The following CD8B variants were observed in gnomAD, a reference collection of about 807,000 sequenced individuals.
The protein encoded by CD8B is CD8 subunit beta.
In CD8B, 6 loss-of-function variants were observed where a neutral mutation model predicts 24.2. The ratio of observed to expected loss-of-function variants is 0.25; its 90% CI spans 0.14 to 0.49. The LOEUF is 0.49. CD8B is among the 20% of genes least tolerant of loss of function. The pLI is 0.98. For synonymous variants in CD8B, 84 were observed against 108.3 expected, an observed-to-expected ratio of 0.78 and a Z score of 1.39; for missense variants, 196 against 271.3, an observed-to-expected ratio of 0.72 and a Z score of 1.95.
chr2:86,844,980 G>A (rs780567389), intron 4 of CD8B, 22 bp from the exon 5 acceptor site: 26 of 1,556,504 alleles, frequency 1.7e-5, no homozygotes, highest in South Asian at 8.3e-5. Context: ...AAGCAAGGGC[G>A]CCAGTCAGTG....
downstream of CD8B, among the ~76,000 whole-genome samples, chr2:86,834,875 G>T (rs1675109841): frequency 6.7e-6 from 1 of 149,580 alleles, no homozygotes; most frequent in Admixed American, 6.7e-5. Flanking sequence ...GGCGGAGGTT[G>T]CAGTGAGCCA....
At chr2:86,861,124 T>G (rs1676563129) in intron 1 of CD8B, among the ~76,000 whole-genome samples, 1 of 152,164 alleles carries the variant, frequency 6.6e-6, no homozygotes, top group African/African-American at 2.4e-5. Context: ...AGCTTTGGGC[T>G]TTTTGGGCAC....
At chr2:86,833,806 A>G (rs574958451), downstream of CD8B, among the ~76,000 whole-genome samples, 68 of 151,478 alleles carry the variant, frequency 4.5e-4, no homozygotes, top group African/African-American at 1.2e-3. Flanking sequence ...ATCCACCACC[A>G]TGCCTGGCTA....
At chr2:86,829,095 C>CTATTTTT (rs1674804563) in intron 5 of CD8B, among the ~76,000 whole-genome samples, 4 of 82,992 alleles carry the variant, frequency 4.8e-5, no homozygotes, top group Non-Finnish European at 9.0e-5. Flanking sequence ...ATGCTCTTTA[C>CTATTTTT]TTTTTTTTTT....
chr2:86,823,286 A>T (rs1674549018), intron 5 of CD8B, among the ~76,000 whole-genome samples: 1 of 151,962 alleles, frequency 6.6e-6, no homozygotes, highest in Non-Finnish European at 1.5e-5. Context: ...TTTTTAATTA[A>T]TTTTTTTGAG....
chr2:86,850,098 G>A (rs1232412882), intron 3 of CD8B, among the ~76,000 whole-genome samples: 1 of 152,134 alleles, frequency 6.6e-6, no homozygotes, highest in Non-Finnish European at 1.5e-5. Flanking sequence ...TCATGGTTAA[G>A]ACCACTGTGG....
intron 5 of CD8B, among the ~76,000 whole-genome samples, chr2:86,826,892 G>A (rs1477460597): frequency 6.6e-6 from 1 of 151,592 alleles, no homozygotes; most frequent in Non-Finnish European, 1.5e-5. Flanking sequence ...CATGATCTCG[G>A]CTCACTGCAA....
At chr2:86,815,622 C>G in exon 6 of CD8B, 2 of 1,606,282 alleles carry the variant, frequency 1.2e-6, no homozygotes, top group Non-Finnish European at 1.7e-6. Context: ...TTTTCAGGAT[C>G]CATGGGTTAA....
At position 86,840,027 on chromosome 2, in the gene CD8B, C is replaced by T. The variant is rs1277008330; in HGVS notation, c.*2280G>A. 2.6e-5 allele frequency among the ~76,000 whole-genome samples: 4 copies of T among 152,222 alleles called. No individual in the cohort carries two copies. The highest frequency in any genetic ancestry group is 9.6e-5 in the African/African-American group (4 of 41,456). On this transcript the variant is annotated 3_prime_UTR_variant, in exon 6 of 6. Coordinates refer to ENST00000390655, the MANE Select transcript of CD8B (RefSeq NM_004931.5). ...GAGCTTTTGTTTCTTTTGAACACCT[C>T]TTGCTGAGGCAGGAGTCTAGGGTCT... is the stretch of plus-strand genomic sequence containing the variant.
intron 5 of CD8B, among the ~76,000 whole-genome samples, chr2:86,830,158 G>A (rs2104514530): frequency 6.6e-6 from 1 of 152,128 alleles, no homozygotes; most frequent in African/African-American, 2.4e-5. Flanking sequence ...CAGCCTCCTG[G>A]GCTCAAGTGA....
downstream of CD8B, among the ~76,000 whole-genome samples, chr2:86,837,945 G>A (rs1317075962): frequency 6.6e-6 from 1 of 152,120 alleles, no homozygotes; most frequent in East Asian, 1.9e-4. Context: ...CCCCTGCCAC[G>A]AGCCCAGCCC....
intron 4 of CD8B, 56 bp downstream of exon 4, chr2:86,846,628 G>A: frequency 1.3e-6 from 1 of 793,856 alleles, no homozygotes; most frequent in South Asian, 1.7e-5. Flanking sequence ...AAATATCCCA[G>A]GGACACTTCA....
intron 3 of CD8B, among the ~76,000 whole-genome samples, chr2:86,849,768 A>G (rs1382124272): frequency 7.1e-6 from 1 of 141,278 alleles, no homozygotes; most frequent in African/African-American, 2.7e-5. Flanking sequence ...CAATGGCGTG[A>G]TCTCGGCTCA....
chr2:86,850,241 C>A (rs114882227), intron 3 of CD8B, among the ~76,000 whole-genome samples: 4 of 152,114 alleles, frequency 2.6e-5, no homozygotes, highest in African/African-American at 9.7e-5. Flanking sequence ...ACCAACGACA[C>A]CCCCAGCCCA....
Position 86,858,167 on chromosome 2 carries a change from C to T in CD8B, c.293G>A (p.Arg98Gln), listed in dbSNP as rs768017195. 1.7e-5 allele frequency: 28 copies of T among 1,613,882 alleles called. No individual in the cohort carries two copies. The highest frequency in any genetic ancestry group is 1.2e-4 in the African/African-American group (9 of 74,926). Residue 98 changes from arginine (R) to glutamine (Q), a missense_variant, in exon 2 of 6, where the codon CGG becomes CAG. Coordinates refer to ENST00000390655, the MANE Select transcript of CD8B (RefSeq NM_004931.5). ...CACGCTTGTGAGATTGAGAATGAAC[C>T]GGCTTGCATCCCGAAACACAGCTAT... ...EKIAVFRDAS[R>Q]FILNLTSVKP...
chr2:86,816,032 G>A (rs1011926118), intron 5 of CD8B, among the ~76,000 whole-genome samples: 2 of 152,176 alleles, frequency 1.3e-5, no homozygotes, highest in Admixed American at 6.5e-5. Context: ...TTGGGAAAGC[G>A]GGTGAGGGTT....
intron 5 of CD8B, among the ~76,000 whole-genome samples, chr2:86,830,578 AATT>A (rs533240342): frequency 4.6e-5 from 7 of 151,922 alleles, no homozygotes; most frequent in Non-Finnish European, 7.4e-5. Flanking sequence ...AAAAAAAAAA[AATT>A]ATTATTATTA....
At chr2:86,854,282 C>A (rs1056198535) in intron 2 of CD8B, among the ~76,000 whole-genome samples, 1 of 152,274 alleles carries the variant, frequency 6.6e-6, no homozygotes, top group African/African-American at 2.4e-5. Flanking sequence ...CCGCCCAACT[C>A]GGCATTCCCT....
intron 1 of CD8B, among the ~76,000 whole-genome samples, chr2:86,861,048 T>C (rs375483130): frequency 1.2e-4 from 18 of 152,256 alleles, no homozygotes; most frequent in African/African-American, 4.3e-4. Flanking sequence ...TTTCTATTTA[T>C]GATGTTGCAC....
Sources: gnomAD v4.1 joint callset for allele counts (sites outside exome capture counted in the v4.1 genomes callset) on GRCh38, gnomAD v4.1.1 for gene constraint, MANE v1.5 for transcripts, NCBI Gene and HGNC (gene_info 2026-07-23, HGNC 2026-07-21) for gene names.